HBS1L: variants seen among roughly 807,000 people sequenced by gnomAD.
HBS1L encodes HBS1 like translational GTPase, also known as HBS1-like protein.
In HBS1L, 55 loss-of-function variants were observed where a neutral mutation model predicts 88.9. The observed-to-expected ratio is 0.62, with a 90% CI of 0.50 to 0.77. The LOEUF (loss-of-function observed/expected upper bound fraction) is 0.77, where lower values mean the gene tolerates loss of function less well. Among genes scored for constraint, HBS1L ranks in the 30% least tolerant of loss-of-function variants. The pLI is 0.00. For missense variants in HBS1L, 741 were observed against 829.3 expected (o/e 0.89, Z 1.31); for synonymous variants, 267 against 288.5 (o/e 0.93, Z 0.76).
intron 7 of HBS1L, among the ~76,000 whole-genome samples, chr6:134,996,204 AT>A (rs1172299670): frequency 1.3e-5 from 2 of 152,172 alleles, no homozygotes; most frequent in East Asian, 3.8e-4. Context: ...TTCAAAAGAA[AT>A]ACTATTCTTT....
intron 4 of HBS1L, chr6:135,037,326 A>G (rs1276490035): frequency 6.4e-7 from 1 of 1,552,002 alleles, no homozygotes; most frequent in Non-Finnish European, 8.7e-7. Context: ...GAAACAGTTC[A>G]GTTAGGGATG....
chr6:134,980,251 A>G (rs1774789726), intron 13 of HBS1L, among the ~76,000 whole-genome samples: 1 of 151,962 alleles, frequency 6.6e-6, no homozygotes, highest in African/African-American at 2.4e-5. Flanking sequence ...TCTGACTTTT[A>G]GGGAGCTCAA....
intron 4 of HBS1L, chr6:135,036,978 A>G: frequency 6.4e-7 from 1 of 1,551,560 alleles, no homozygotes; most frequent in Non-Finnish European, 8.7e-7. Context: ...TTATAAGGAC[A>G]CTAAGATCAA....
intron 2 of HBS1L, among the ~76,000 whole-genome samples, chr6:135,049,214 G>A (rs1372427162): frequency 6.6e-6 from 1 of 152,122 alleles, no homozygotes; most frequent in South Asian, 2.1e-4. Flanking sequence ...GTGAACACCC[G>A]CTTTCTGGCT....
Position 135,050,632 on chromosome 6 carries a change from T to C in HBS1L, c.59A>G (p.Asp20Gly), listed in dbSNP as rs1447178073. Residue 20 changes from aspartate (D) to glycine (G), a missense_variant, in exon 2 of 18, where the codon GAT (aspartate) becomes GGT (glycine). Asp to Gly is a moderately conservative substitution (Grantham distance 94). Around this residue, in one of 3 missense-constraint regions of HBS1L, gnomAD observed 556 missense variants for 598.4 expected, o/e 0.93. Coordinates refer to ENST00000367837, the MANE Select transcript of HBS1L (RefSeq NM_006620.4). The stretch of plus-strand genomic sequence containing the variant: ...ATCCTCTACAGACTGGCCGTAGAGA[T>C]CATCATCTTCAAAATCTAAAATAAA... ...YNYDEDFEDD[D>G]LYGQSVEDDY... The C allele has an allele frequency of 6.3e-7, 1 of 1,589,278 alleles. No individual in the cohort carries two copies. The highest frequency in any genetic ancestry group is 8.6e-7 in the Non-Finnish European group (1 of 1,165,788).
At chr6:134,977,456 G>C (rs2114763889) in intron 15 of HBS1L, among the ~76,000 whole-genome samples, 1 of 152,006 alleles carries the variant, frequency 6.6e-6, no homozygotes, top group African/African-American at 2.4e-5. Flanking sequence ...CATGAATTCT[G>C]AATATTTAAG....
intron 15 of HBS1L, among the ~76,000 whole-genome samples, chr6:134,971,366 A>C (rs1266090547): frequency 6.6e-6 from 1 of 152,192 alleles, no homozygotes; most frequent in Non-Finnish European, 1.5e-5. Flanking sequence ...GTTTGTAACA[A>C]ACAACTGAGG....
intron 4 of HBS1L, among the ~76,000 whole-genome samples, chr6:135,024,338 G>T (rs1435724914): frequency 6.6e-6 from 1 of 151,386 alleles, no homozygotes; most frequent in Non-Finnish European, 1.5e-5. Flanking sequence ...TACTCCGGAG[G>T]CTGAGGCAGA....
Position 134,965,041 on chromosome 6 carries a change from A to T in HBS1L, c.*238T>A. ...AAATCTTAGCAAAGTAAATCCATTT[A>T]TTAACGTTTCAAAGGCAAAGTTGTT... On this transcript the variant is annotated 3_prime_UTR_variant, in exon 18 of 18. Coordinates refer to ENST00000367837, the MANE Select transcript of HBS1L (RefSeq NM_006620.4). 1 of 548,740 alleles carries T rather than the reference A, an allele frequency of 1.8e-6. No homozygotes were observed. The highest frequency in any genetic ancestry group is 3.2e-6 in the Non-Finnish European group (1 of 311,392). The allele number at this position is 548,740 out of a possible 1,614,324, so 34.0% of individuals were successfully genotyped here. A position where few individuals can be genotyped will look rare whatever the true frequency, so the allele number is the denominator to read the frequency against.
At position 134,969,264 on chromosome 6, in the gene HBS1L, C is replaced by A. The variant is rs753854026; in HGVS notation, c.1872G>T (p.Thr624=). The stretch of plus-strand genomic sequence containing the variant: ...TAGGCTTTTTCTTTGTGACTTCACC[C>A]GTGCTTTTGTTTAAGACACTAATCA... ...KRLISVLNKS[T]GEVTKKKPKF... is the part of the protein sequence containing the mutation. The change falls in exon 16 of 18, where the codon ACG becomes ACT. Residue 624 remains threonine (T), a synonymous_variant. Coordinates refer to ENST00000367837, the MANE Select transcript of HBS1L (RefSeq NM_006620.4). 1.9e-6 allele frequency: 3 copies of A among 1,612,772 alleles called. No individual in the cohort carries two copies. Among genetic ancestry groups the A allele is most frequent in the East Asian group, 2.2e-5 (1 of 44,850 alleles).
intron 4 of HBS1L, among the ~76,000 whole-genome samples, chr6:135,018,990 A>G (rs1213048068): frequency 1.3e-5 from 2 of 151,986 alleles, no homozygotes; most frequent in Non-Finnish European, 2.9e-5. Context: ...AGGAATGTGT[A>G]TTTGAGAAAT....
chr6:134,983,309 T>C (rs1774885804), intron 12 of HBS1L: 1 of 152,072 alleles, frequency 6.6e-6, no homozygotes, highest in African/African-American at 2.4e-5. Context: ...AGCCAGTAAA[T>C]ATTGTGACCG....
At chr6:135,031,916 T>A (rs898289655) in intron 4 of HBS1L, among the ~76,000 whole-genome samples, 3 of 151,064 alleles carry the variant, frequency 2.0e-5, no homozygotes, top group Non-Finnish European at 4.4e-5. Flanking sequence ...ATAATCCCCC[T>A]GCCTCAGCCT....
chr6:135,041,921 A>G (rs1776749826), intron 3 of HBS1L, 80 bp downstream of exon 3: 45 of 1,273,250 alleles, frequency 3.5e-5, no homozygotes, highest in Non-Finnish European at 5.0e-5. Context: ...CACTGTTATA[A>G]ACACAATAAA....
chr6:135,051,925 C>G (rs747993206), intron 1 of HBS1L, among the ~76,000 whole-genome samples: 1 of 152,172 alleles, frequency 6.6e-6, no homozygotes, highest in Non-Finnish European at 1.5e-5. Context: ...ACAAGGAATA[C>G]ACACAAGATA....
Position 134,997,406 on chromosome 6 carries a change from C to T in HBS1L, c.790G>A (p.Val264Met), listed in dbSNP as rs1775321055. Residue 264 changes from valine (V) to methionine (M), a missense_variant, in exon 6 of 18, where the codon GTG (valine) becomes ATG (methionine). Around this residue, in one of 3 missense-constraint regions of HBS1L, gnomAD observed 556 missense variants for 598.4 expected, o/e 0.93. Coordinates refer to ENST00000367837, the MANE Select transcript of HBS1L (RefSeq NM_006620.4). ...RQGGKQLLNL[V>M]VIGHVDAGKS... ...GGACAAAGAGCATTACCAATGACCA[C>T]TAAGTTGAGTAGCTGCTTCCCTCCT... is the stretch of plus-strand genomic sequence containing the variant. 6.2e-7 allele frequency: 1 copy of T among 1,613,882 alleles called. No homozygotes were observed. Among genetic ancestry groups the T allele is most frequent in the Non-Finnish European group, 8.5e-7 (1 of 1,179,948 alleles).
chr6:134,968,341 C>T (rs892784212), intron 16 of HBS1L, among the ~76,000 whole-genome samples: 2 of 151,832 alleles, frequency 1.3e-5, no homozygotes, highest in South Asian at 2.1e-4. Context: ...CTCCGCCCAC[C>T]GGGTTCAAGA....
chr6:134,989,115 T>A (rs1361327764), intron 8 of HBS1L, among the ~76,000 whole-genome samples: 2 of 152,212 alleles, frequency 1.3e-5, no homozygotes, highest in African/African-American at 4.8e-5. Flanking sequence ...TTCCCACTAT[T>A]CTTTTGTGTT....
At chr6:135,001,083 G>T (rs1469129273) in intron 5 of HBS1L, among the ~76,000 whole-genome samples, 1 of 152,102 alleles carries the variant, frequency 6.6e-6, no homozygotes, top group Non-Finnish European at 1.5e-5. Context: ...TCAAAATGTT[G>T]CCTCATGGGT....
Sources: allele counts gnomAD v4.1 joint callset (sites outside exome capture counted in the v4.1 genomes callset), GRCh38; gene constraint gnomAD v4.1.1; regional missense constraint gnomAD v4.1.1; transcripts MANE v1.5; gene names NCBI Gene and HGNC (gene_info 2026-07-23, HGNC 2026-07-21).